Variants in ASXL1 observed in about 807,000 individuals in gnomAD.
ASXL1 encodes polycomb group protein ASXL1.
ASXL1 carries 65 observed loss-of-function variants against 89.1 expected under a neutral mutation model. The observed-to-expected ratio is 0.73, with a 90% confidence interval of 0.60 to 0.90. The LOEUF (loss-of-function observed/expected upper bound fraction) is 0.90, where lower values mean the gene tolerates loss of function less well. ASXL1 is among the 40% of genes least tolerant of loss of function. The pLI is 0.00. For synonymous variants in ASXL1, 739 were observed against 746.9 expected, an observed-to-expected ratio of 0.99 and a Z score of 0.17; for missense variants, 1,786 against 1,942.9, an observed-to-expected ratio of 0.92 and a Z score of 1.52.
chr20:32,379,942 C>G (rs2048458635), intron 4 of ASXL1, among the ~76,000 whole-genome samples: 2 of 150,114 alleles, frequency 1.3e-5, no homozygotes, highest in Admixed American at 6.7e-5. Flanking sequence ...CAGTTGAACC[C>G]TTTTCCTGTT....
intron 4 of ASXL1, among the ~76,000 whole-genome samples, chr20:32,424,536 A>G (rs1053017321): frequency 4.6e-5 from 7 of 152,186 alleles, no homozygotes; most frequent in African/African-American, 1.7e-4. Flanking sequence ...CTCTTGTCTC[A>G]AAAAACAAAC....
chr20:32,372,740 G>A (rs1036896446), intron 4 of ASXL1, among the ~76,000 whole-genome samples: 2 of 151,542 alleles, frequency 1.3e-5, no homozygotes, highest in Non-Finnish European at 2.9e-5. Context: ...GACTACAGGC[G>A]TGCACCACCA....
chr20:32,362,618 C>A (rs566236533), intron 1 of ASXL1, among the ~76,000 whole-genome samples: 17 of 152,190 alleles, frequency 1.1e-4, no homozygotes, highest in African/African-American at 4.1e-4. Context: ...CCAGCCTGGG[C>A]GACAGAGCAA....
chr20:32,434,601 A>AC lies in ASXL1; in HGVS notation c.1891dup (p.His631ProfsTer4). 6.2e-7 allele frequency: 1 copy of AC among 1,612,166 alleles called. No homozygotes were observed. Among genetic ancestry groups the AC allele is most frequent in the Non-Finnish European group, 8.5e-7 (1 of 1,179,346 alleles). On this transcript the variant is annotated frameshift_variant, in exon 13 of 13. Transcript: ENST00000375687. LOFTEE classifies it low-confidence loss of function (END_TRUNC). ...CTGCAGGTCCGAGGGGCGAGAGGTC[A>AC]CCACTGCCATAGAGAGGCGGCCACC...
chr20:32,416,678 G>A (rs1490529251), intron 4 of ASXL1, among the ~76,000 whole-genome samples: 2 of 152,080 alleles, frequency 1.3e-5, no homozygotes, highest in East Asian at 3.8e-4. Flanking sequence ...ATGTACAAAC[G>A]TGTGAGAATT....
rs746330612 is a variant in ASXL1 at position 32,435,353 on chromosome 20, A to T, written c.2641A>T (p.Arg881Ter). The T allele has an allele frequency of 6.2e-7, 1 of 1,614,212 alleles. No individual in the cohort carries two copies. The highest frequency in any genetic ancestry group is 8.5e-7 in the Non-Finnish European group (1 of 1,180,026). The change falls in exon 13 of 13, where the codon AGA (arginine) becomes TGA (stop). Residue 881 changes from arginine (R) to a stop codon, truncating the protein, a stop_gained. Transcript: ENST00000375687. LOFTEE classifies it low-confidence loss of function (END_TRUNC). The stretch of plus-strand genomic sequence containing the variant: ...CCCTCCTATGAGGGAAAGTGATACT[A>T]GACAAGAAAACTTGAAAACCAAGGC... ...SCPPMRESDT[R>*]QENLKTKALV...
rs139319958 is a variant in ASXL1 at position 32,436,851 on chromosome 20, C to T, written c.4139C>T (p.Ala1380Val). The T allele has an allele frequency of 6.2e-7, 1 of 1,614,166 alleles. No homozygotes were observed. Among genetic ancestry groups the T allele is most frequent in the Non-Finnish European group, 8.5e-7 (1 of 1,180,030 alleles). The change falls in exon 13 of 13, where the codon GCA (alanine) becomes GTA (valine). Residue 1380 changes from alanine (A) to valine (V), a missense_variant. Physicochemically the swap from Ala to Val is moderately conservative, Grantham distance 64 (BLOSUM62 0). Around this residue, in one of 3 missense-constraint regions of ASXL1, gnomAD observed 1,418 missense variants for 1,427.8 expected, o/e 0.99. Transcript: ENST00000375687. ...ACTTTTGTGGGGGGTCCTCTTAAGG[C>T]AAATGCCGAGAACAGGAAAGCTACT... is the stretch of plus-strand genomic sequence containing the variant. ...EKTFVGGPLK[A>V]NAENRKATGH...
intron 4 of ASXL1, among the ~76,000 whole-genome samples, chr20:32,398,854 C>T (rs1007119414): frequency 2.6e-5 from 4 of 151,560 alleles, no homozygotes; most frequent in African/African-American, 9.7e-5. Flanking sequence ...CGTGATCCGC[C>T]CGCCTCGGCC....
At chr20:32,415,312 G>A (rs73244967) in intron 4 of ASXL1, among the ~76,000 whole-genome samples, 3,237 of 152,122 alleles carry the variant, frequency 0.021, 115 homozygotes, top group African/African-American at 0.074. Flanking sequence ...CCCAGCCTGC[G>A]TCATGATTTT....
rs1440922007 is a variant in ASXL1 at position 32,366,476 on chromosome 20, G to T, written c.140+10G>T. 1 of 1,613,440 alleles carries T rather than the reference G, an allele frequency of 6.2e-7. No homozygotes were observed. Among genetic ancestry groups the T allele is most frequent in the South Asian group, 1.1e-5 (1 of 91,068 alleles). The stretch of plus-strand genomic sequence containing the variant: ...GACTAAAGGAAATGAGGTTTGTATT[G>T]TTCTTGTTGCTTAACATGAGGGTTT... On this transcript the variant is annotated intron_variant, in intron 2 of 12. Coordinates refer to ENST00000375687, the MANE Select transcript of ASXL1 (RefSeq NM_015338.6).
At chr20:32,380,440 A>C (rs1318374466) in intron 4 of ASXL1, among the ~76,000 whole-genome samples, 5 of 152,182 alleles carry the variant, frequency 3.3e-5, no homozygotes, top group Non-Finnish European at 7.3e-5. Context: ...GTACAATTCC[A>C]CATTTAATAG....
chr20:32,398,019 T>C (rs552229510), intron 4 of ASXL1, among the ~76,000 whole-genome samples: 2 of 152,346 alleles, frequency 1.3e-5, no homozygotes, highest in East Asian at 3.9e-4. Context: ...TATTTACGTA[T>C]AGATCGGTTC....
chr20:32,404,235 C>T (rs564983052), intron 4 of ASXL1, among the ~76,000 whole-genome samples: 2 of 152,288 alleles, frequency 1.3e-5, no homozygotes, highest in South Asian at 4.1e-4. Context: ...ACTCTTTTAG[C>T]TCCCACATAG....
intron 4 of ASXL1, among the ~76,000 whole-genome samples, chr20:32,402,047 C>A (rs2048884313): frequency 1.3e-5 from 2 of 152,202 alleles, no homozygotes; most frequent in African/African-American, 4.8e-5. Context: ...GTGGTGACTA[C>A]TGTAAATAGA....
At chr20:32,375,844 G>A (rs1472858444) in intron 4 of ASXL1, among the ~76,000 whole-genome samples, 1 of 151,930 alleles carries the variant, frequency 6.6e-6, no homozygotes, top group Admixed American at 6.6e-5. Flanking sequence ...ACCACGCCTA[G>A]CTAATTTTTG....
intron 4 of ASXL1, among the ~76,000 whole-genome samples, chr20:32,395,800 G>GT: frequency 6.6e-6 from 1 of 152,042 alleles, no homozygotes; most frequent in East Asian, 1.9e-4. Context: ...TAAAAATTCA[G>GT]TTTTTTTCTT....
intron 1 of ASXL1, among the ~76,000 whole-genome samples, chr20:32,363,974 G>C (rs1431505621): frequency 6.6e-6 from 1 of 152,210 alleles, no homozygotes; most frequent in East Asian, 1.9e-4. Context: ...CTCTGTGCCA[G>C]ACATTGTAGG....
Position 32,429,467 on chromosome 20 carries a change from C to T in ASXL1, c.565+36C>T. The T allele has an allele frequency of 6.2e-7, 1 of 1,601,812 alleles. No homozygotes were observed. Among genetic ancestry groups the T allele is most frequent in the Non-Finnish European group, 8.6e-7 (1 of 1,168,966 alleles). On this transcript the variant is annotated intron_variant, in intron 7 of 12. Transcript: ENST00000375687. This position sits in a 1 kb window ranked among gnomAD's most constrained non-coding sequence, Gnocchi z 4.9. ...ACTCATGGTTGTGATGCTTTTTCCT[C>T]AGGTCCTGGGGACCTGGCCTCCCTC...
chr20:32,358,822 C>T lies in ASXL1; in HGVS notation c.47C>T (p.Ala16Val). The T allele has an allele frequency of 6.6e-7, 1 of 1,506,324 alleles. No homozygotes were observed. The highest frequency in any genetic ancestry group is 2.8e-5 in the East Asian group (1 of 36,092). The allele number at this position is 1,506,324 out of a possible 1,614,324, so 93.3% of individuals were successfully genotyped here. A position where few individuals can be genotyped will look rare whatever the true frequency, so the allele number is the denominator to read the frequency against. The change falls in exon 1 of 13, where the codon GCC (alanine) becomes GTC (valine). Residue 16 changes from alanine to valine, a missense_variant. Ala to Val is a moderately conservative substitution (Grantham distance 64). This residue lies in a region of ASXL1 where 332 missense variants were observed against 449.7 expected (regional missense o/e 0.74). Transcript: ENST00000375687. ...KKKKERTWAE[A>V]ARLVLENYSD... is the part of the protein sequence containing the mutation. ...AAGAAGGAGCGCACGTGGGCCGAGG[C>T]CGCGCGCCTGGTGAGGCGGACAGCC...
Sources: allele counts gnomAD v4.1 joint callset (sites outside exome capture counted in the v4.1 genomes callset), GRCh38; gene constraint gnomAD v4.1.1; regional missense constraint gnomAD v4.1.1; non-coding constraint Gnocchi (gnomAD v3.1); transcripts MANE v1.5; gene names NCBI Gene and HGNC (gene_info 2026-07-23, HGNC 2026-07-21).